CFDP1: variants seen among roughly 807,000 people sequenced by gnomAD.
The protein encoded by CFDP1 is chromatin remodeling protein CFDP1.
Under a neutral mutation model 40.1 loss-of-function variants are expected in CFDP1, and 31 were observed. That is an observed-to-expected ratio of 0.77 (90% CI 0.58 to 1.04). The LOEUF is 1.04. Ranked by LOEUF, CFDP1 falls within the 50% of genes least tolerant of loss-of-function variation. The probability of loss-of-function intolerance (pLI) is 0.00; values close to 1 mark genes in which losing one functional copy is unlikely to be tolerated. For missense variants in CFDP1, 423 were observed against 343.4 expected (o/e 1.23, Z -1.83); for synonymous variants, 167 against 120.0 (o/e 1.39, Z -2.56).
At chr16:75,346,328 A>G (rs1305743014) in intron 5 of CFDP1, among the ~76,000 whole-genome samples, 1 of 152,152 alleles carries the variant, frequency 6.6e-6, no homozygotes, top group Non-Finnish European at 1.5e-5. Flanking sequence ...TCACGCCTGT[A>G]ATTCCAGCAC....
rs1597418493 is a variant in CFDP1, at chr16:75,433,429, C to G, written c.-77G>C. ...CAACGGCAAAGCTCTAGGGAGAGACCATAGAGCCCCGGCGGCGGCGACGGC... is the reference window on the plus strand; with the variant it reads ...CAACGGCAAAGCTCTAGGGAGAGACGATAGAGCCCCGGCGGCGGCGACGGC... On this transcript the variant is annotated 5_prime_UTR_variant, in exon 1 of 7. The change abolishes an upstream ATG in the 5' untranslated region. Transcript: ENST00000283882. 6.9e-7 allele frequency: 1 copy of G among 1,440,758 alleles called. No individual in the cohort carries two copies. The highest frequency in any genetic ancestry group is 2.5e-5 in the East Asian group (1 of 40,260). 89.2% of individuals were successfully genotyped at this position (1,440,758 alleles called of 1,614,324 possible).
Position 75,433,486 on chromosome 16 carries a change from A to G in CFDP1, c.-134T>C. 1.3e-6 allele frequency: 1 copy of G among 760,038 alleles called. No homozygotes were observed. Among genetic ancestry groups the G allele is most frequent in the South Asian group, 1.6e-5 (1 of 62,966 alleles). The allele number at this position is 760,038 out of a possible 1,614,324, so 47.1% of individuals were successfully genotyped here. A position where few individuals can be genotyped will look rare whatever the true frequency, so the allele number is the denominator to read the frequency against. Reference sequence around the variant, plus strand: ...GGCGGCCCCCGACAGCGCTTTGCACATGCGCAGAGAGTACTACGTGGTTGC... The same window carrying G: ...GGCGGCCCCCGACAGCGCTTTGCACGTGCGCAGAGAGTACTACGTGGTTGC... On this transcript the variant is annotated 5_prime_UTR_variant, in exon 1 of 7. It removes an upstream start codon present in the reference 5' UTR. Coordinates refer to ENST00000283882, the MANE Select transcript of CFDP1 (RefSeq NM_006324.3).
chr16:75,418,510 C>T (rs1289663399), intron 1 of CFDP1, among the ~76,000 whole-genome samples: 1 of 151,674 alleles, frequency 6.6e-6, no homozygotes, highest in Non-Finnish European at 1.5e-5. Context: ...GGGGTTTCAC[C>T]ATGTTAGCCA....
intron 5 of CFDP1, among the ~76,000 whole-genome samples, chr16:75,336,615 T>C (rs1055374546): frequency 6.6e-6 from 1 of 152,262 alleles, no homozygotes; most frequent in Non-Finnish European, 1.5e-5. Context: ...ATCTACCATG[T>C]ATTTCAGGGA....
rs777272041 is a variant in CFDP1 at position 75,411,795 on chromosome 16, T to C, written c.530+30A>G. 8.1e-6 allele frequency: 13 copies of C among 1,597,310 alleles called. No homozygotes were observed. The Admixed American group carries it at 2.3e-4, about 28-fold the overall frequency. On this transcript the variant is annotated intron_variant, in intron 4 of 6. Coordinates refer to ENST00000283882, the MANE Select transcript of CFDP1 (RefSeq NM_006324.3). Reference sequence around the variant, plus strand: ...GAGAGACGCTCATTTTTGAAAATGCTAGTTTCAAAGTTTTTGAAGGTTCTC... The same window carrying C: ...GAGAGACGCTCATTTTTGAAAATGCCAGTTTCAAAGTTTTTGAAGGTTCTC...
intron 5 of CFDP1, among the ~76,000 whole-genome samples, chr16:75,392,959 A>G (rs1195953159): frequency 6.6e-6 from 1 of 152,224 alleles, no homozygotes; most frequent in East Asian, 1.9e-4. Flanking sequence ...GGAGAGAAAT[A>G]TCTTGAGTAT....
intron 5 of CFDP1, among the ~76,000 whole-genome samples, chr16:75,311,783 T>C (rs1216136889): frequency 1.3e-5 from 2 of 151,768 alleles, no homozygotes; most frequent in East Asian, 3.9e-4. Context: ...TTTTTTTTTT[T>C]TTTTCAAGAA....
intron 1 of CFDP1, among the ~76,000 whole-genome samples, chr16:75,418,216 C>T (rs936378315): frequency 3.0e-5 from 4 of 134,752 alleles, no homozygotes; most frequent in East Asian, 4.7e-4. Context: ...TACACCACTG[C>T]ACTCCAGCCT....
At chr16:75,337,313 C>T (rs998129894) in intron 5 of CFDP1, among the ~76,000 whole-genome samples, 3 of 152,212 alleles carry the variant, frequency 2.0e-5, no homozygotes, top group Non-Finnish European at 4.4e-5. Flanking sequence ...CAGGCAAGAT[C>T]CATGGGTACT....
chr16:75,384,900 T>TATATATATATA (rs1567665491), intron 5 of CFDP1, among the ~76,000 whole-genome samples: 1 of 113,188 alleles, frequency 8.8e-6, no homozygotes, highest in African/African-American at 3.7e-5. Context: ...ATATATATAT[T>TATATATATATA]GCAGACCAGT....
At chr16:75,331,031 G>C (rs911974764) in intron 5 of CFDP1, among the ~76,000 whole-genome samples, 3 of 151,208 alleles carry the variant, frequency 2.0e-5, no homozygotes, top group Non-Finnish European at 4.4e-5. Context: ...TGGGCAATGG[G>C]ACTTATTTCA....
chr16:75,377,192 C>T (rs2078806658), intron 5 of CFDP1, among the ~76,000 whole-genome samples: 1 of 152,190 alleles, frequency 6.6e-6, no homozygotes, highest in African/African-American at 2.4e-5. Context: ...TTAAATTGAA[C>T]ACTTAAGGCC....
intron 5 of CFDP1, among the ~76,000 whole-genome samples, chr16:75,311,101 GGGAT>G (rs1239296291): frequency 6.6e-6 from 1 of 152,168 alleles, no homozygotes; most frequent in African/African-American, 2.4e-5. Flanking sequence ...AAGAGCTGAA[GGGAT>G]GTTTAGTCCA....
chr16:75,338,529 G>A (rs981178348), intron 5 of CFDP1, among the ~76,000 whole-genome samples: 4 of 152,208 alleles, frequency 2.6e-5, no homozygotes, highest in African/African-American at 9.6e-5. Context: ...TCAGAGCACA[G>A]TGTGAATGAG....
chr16:75,395,532 G>A (rs542031415), intron 4 of CFDP1, among the ~76,000 whole-genome samples: 23 of 152,030 alleles, frequency 1.5e-4, no homozygotes, highest in African/African-American at 1.9e-4. Flanking sequence ...GGTGGCGGGC[G>A]CCTGTAGTCC....
intron 5 of CFDP1, among the ~76,000 whole-genome samples, chr16:75,388,019 A>C (rs2078914398): frequency 6.6e-6 from 1 of 152,230 alleles, no homozygotes; most frequent in Non-Finnish European, 1.5e-5. Context: ...TTTAACAAAA[A>C]AACATCTATC....
chr16:75,432,370 TAAAAA>T (rs55961935), intron 1 of CFDP1, among the ~76,000 whole-genome samples: 1 of 105,582 alleles, frequency 9.5e-6, no homozygotes, highest in Non-Finnish European at 1.8e-5. Flanking sequence ...ATGCCATTTC[TAAAAA>T]AAAAAAAAAA....
intron 5 of CFDP1, among the ~76,000 whole-genome samples, chr16:75,380,924 G>T (rs944228443): frequency 1.1e-4 from 16 of 152,132 alleles, no homozygotes; most frequent in Non-Finnish European, 2.1e-4. Context: ...TTTTTTGAGA[G>T]TTAGCAATCG....
intron 5 of CFDP1, among the ~76,000 whole-genome samples, chr16:75,318,710 CTT>C (rs1457135117): frequency 6.6e-6 from 1 of 152,090 alleles, no homozygotes; most frequent in Non-Finnish European, 1.5e-5. Context: ...GGCCGGCATG[CTT>C]TCTTAAATAT....
Sources: gnomAD v4.1 joint callset for allele counts (sites outside exome capture counted in the v4.1 genomes callset) on GRCh38, gnomAD v4.1.1 for gene constraint, MANE v1.5 for transcripts, NCBI Gene and HGNC (gene_info 2026-07-23, HGNC 2026-07-21) for gene names.